Variants in DGKB observed in about 807,000 individuals in gnomAD.
DGKB encodes diacylglycerol kinase beta.
In DGKB, 67 loss-of-function variants were observed where a neutral mutation model predicts 114.3. The observed-to-expected ratio is 0.59, with a 90% CI of 0.48 to 0.72. DGKB has a LOEUF of 0.72. Ranked by LOEUF, DGKB falls within the 30% of genes least tolerant of loss-of-function variation. The pLI, the probability that DGKB is intolerant of heterozygous loss-of-function variation, is 0.00. For missense variants in DGKB, 907 were observed against 975.2 expected, an observed-to-expected ratio of 0.93 and a Z score of 0.93; for synonymous variants, 398 against 323.1, an observed-to-expected ratio of 1.23 and a Z score of -2.49.
intron 23 of DGKB, among the ~76,000 whole-genome samples, chr7:14,200,474 T>C (rs1212543983): frequency 6.6e-6 from 1 of 152,092 alleles, no homozygotes; most frequent in African/African-American, 2.4e-5. Context: ...ACACAGGTGT[T>C]ATGAATTTCT....
chr7:14,794,975 T>C (rs1225994412), intron 2 of DGKB, among the ~76,000 whole-genome samples: 1 of 152,180 alleles, frequency 6.6e-6, no homozygotes, highest in African/African-American at 2.4e-5. Context: ...AAGGAAACTG[T>C]AATGACCTCC....
At chr7:14,504,754 A>C (rs891087847) in intron 20 of DGKB, among the ~76,000 whole-genome samples, 1 of 152,170 alleles carries the variant, frequency 6.6e-6, no homozygotes, top group African/African-American at 2.4e-5. Flanking sequence ...AAAGTTTATA[A>C]CTTGAGGTTG....
chr7:14,189,981 A>C (rs2128269215), intron 23 of DGKB, among the ~76,000 whole-genome samples: 1 of 152,296 alleles, frequency 6.6e-6, no homozygotes. Context: ...CACTTTCAAC[A>C]AGGGTAAGCT....
Position 14,748,398 on chromosome 7 carries a change from G to C in DGKB, c.168+5530C>G, listed in dbSNP as rs151170232. On this transcript the variant is annotated intron_variant, in intron 4 of 25. Coordinates refer to ENST00000402815, the MANE Select transcript of DGKB (RefSeq NM_001350709.2). The stretch of plus-strand genomic sequence containing the variant: ...CAGGAAATGAGAAGCTATTCTTTGA[G>C]TAAAGATTTAAAGGTGATGAGGCAC... Among the ~76,000 whole-genome samples, 905 of 152,314 alleles carry C rather than the reference G, an allele frequency of 5.9e-3. 20 individuals are homozygous for C. Among genetic ancestry groups the C allele is most frequent in the Non-Finnish European group, 4.8e-3 (325 of 68,022 alleles).
chr7:14,688,800 A>C (rs1822176868), intron 9 of DGKB, among the ~76,000 whole-genome samples: 1 of 151,566 alleles, frequency 6.6e-6, no homozygotes, highest in South Asian at 2.1e-4. Flanking sequence ...TAGTGATTCT[A>C]AAGTTTTAGT....
intron 23 of DGKB, among the ~76,000 whole-genome samples, chr7:14,314,340 C>T (rs529104308): frequency 1.6e-4 from 24 of 150,178 alleles, no homozygotes; most frequent in East Asian, 3.9e-4. Context: ...CTCTGAGCTA[C>T]GGGAGGACAT....
At chr7:14,699,458 T>C (rs1445630975) in intron 7 of DGKB, among the ~76,000 whole-genome samples, 1 of 152,166 alleles carries the variant, frequency 6.6e-6, no homozygotes, top group Non-Finnish European at 1.5e-5. Context: ...GTTGGTAAAA[T>C]AGCTACTCTA....
intron 25 of DGKB, among the ~76,000 whole-genome samples, chr7:14,171,085 C>T (rs191245080): frequency 2.0e-4 from 30 of 152,190 alleles, no homozygotes; most frequent in Admixed American, 1.0e-3. Flanking sequence ...GGATTGGTCC[C>T]GCACCAGGTC....
At chr7:14,339,837 C>A (rs1009697225) in intron 22 of DGKB, among the ~76,000 whole-genome samples, 1 of 151,744 alleles carries the variant, frequency 6.6e-6, no homozygotes, top group Non-Finnish European at 1.5e-5. Context: ...GTTTCATTTG[C>A]CATGTCTTAG....
chr7:14,656,252 C>T (rs2128912144), intron 13 of DGKB, among the ~76,000 whole-genome samples: 2 of 151,622 alleles, frequency 1.3e-5, no homozygotes, highest in South Asian at 2.1e-4. Flanking sequence ...TTTATGACTT[C>T]ATTATTATTT....
At chr7:14,687,454 T>C (rs7791900) in intron 9 of DGKB, among the ~76,000 whole-genome samples, 76,621 of 151,872 alleles carry the variant, frequency 0.5, 19,698 homozygotes, top group East Asian at 0.82. Flanking sequence ...AATTTCTGAA[T>C]TTCCTATTTT....
At chr7:14,552,006 T>C (rs1473627558) in intron 20 of DGKB, among the ~76,000 whole-genome samples, 1 of 152,116 alleles carries the variant, frequency 6.6e-6, no homozygotes, top group East Asian at 1.9e-4. Context: ...CACTAACATA[T>C]GACCTAAAAA....
At chr7:14,934,884 G>A (rs1785197898) in intron 1 of DGKB, among the ~76,000 whole-genome samples, 1 of 152,150 alleles carries the variant, frequency 6.6e-6, no homozygotes, top group South Asian at 2.1e-4. Flanking sequence ...ATCAGTGACT[G>A]AAACTAATGA....
chr7:14,589,079 T>A (rs1801248631), intron 17 of DGKB, among the ~76,000 whole-genome samples: 1 of 152,060 alleles, frequency 6.6e-6, no homozygotes, highest in Non-Finnish European at 1.5e-5. Flanking sequence ...AACAAAGATA[T>A]AAATTTTCTA....
intron 2 of DGKB, among the ~76,000 whole-genome samples, chr7:14,801,088 C>CAT (rs1327170871): frequency 6.6e-6 from 1 of 152,054 alleles, no homozygotes; most frequent in Non-Finnish European, 1.5e-5. Context: ...TGTGCATGTG[C>CAT]ATATATATAT....
chr7:14,516,516 A>G (rs982505134), intron 20 of DGKB, among the ~76,000 whole-genome samples: 4 of 152,204 alleles, frequency 2.6e-5, no homozygotes, highest in Non-Finnish European at 5.9e-5. Context: ...TCAGAGGCAC[A>G]CTGAAGAAGA....
chr7:14,891,170 T>C (rs748387647), intron 1 of DGKB, among the ~76,000 whole-genome samples: 1 of 151,376 alleles, frequency 6.6e-6, no homozygotes, highest in Admixed American at 6.6e-5. Context: ...AAGCACCAAG[T>C]AGATGCGCGA....
At chr7:14,581,530 T>A (rs570505000) in intron 18 of DGKB, among the ~76,000 whole-genome samples, 1 of 152,232 alleles carries the variant, frequency 6.6e-6, no homozygotes, top group African/African-American at 2.4e-5. Context: ...AGGTTTTCCA[T>A]GAGATTAATC....
intron 20 of DGKB, among the ~76,000 whole-genome samples, chr7:14,537,638 G>T (rs1792730028): frequency 6.6e-6 from 1 of 152,016 alleles, no homozygotes; most frequent in Non-Finnish European, 1.5e-5. Flanking sequence ...ACTCAAAACG[G>T]ATTAAAGACT....
Sources: allele counts gnomAD v4.1 joint callset (sites outside exome capture counted in the v4.1 genomes callset), GRCh38; gene constraint gnomAD v4.1.1; transcripts MANE v1.5; gene names NCBI Gene and HGNC (gene_info 2026-07-23, HGNC 2026-07-21).